Variants in DLG2 observed in about 807,000 individuals in gnomAD.
The protein encoded by DLG2 is discs large MAGUK scaffold protein 2.
DLG2 carries 45 observed loss-of-function variants against 132.5 expected under a neutral mutation model. The ratio of observed to expected loss-of-function variants is 0.34; its 90% CI spans 0.27 to 0.44. The LOEUF (loss-of-function observed/expected upper bound fraction) is 0.44. DLG2 is among the 20% of genes least tolerant of loss of function. The pLI is 1.00. For synonymous variants in DLG2, 424 were observed against 419.6 expected, an observed-to-expected ratio of 1.01 and a Z score of -0.13; for missense variants, 1,045 against 1,196.9, an observed-to-expected ratio of 0.87 and a Z score of 1.87.
At chr11:85,168,770 A>G (rs1427091931) in intron 4 of DLG2, among the ~76,000 whole-genome samples, 1 of 152,162 alleles carries the variant, frequency 6.6e-6, no homozygotes, top group African/African-American at 2.4e-5. Flanking sequence ...ATTTCCAGCT[A>G]TATAGTTGTT....
intron 7 of DLG2, among the ~76,000 whole-genome samples, chr11:84,529,522 G>A (rs1033965665): frequency 2.0e-5 from 3 of 152,028 alleles, no homozygotes; most frequent in Non-Finnish European, 4.4e-5. Context: ...GAGCAAAATC[G>A]AGAACTCAAT....
At position 83,668,870 on chromosome 11, in the gene DLG2, T is replaced by A. The variant is rs1188926000; in HGVS notation, c.1826-35545A>T. Among the ~76,000 whole-genome samples, 43 of 147,882 alleles carry A rather than the reference T, an allele frequency of 2.9e-4. 1 individual carries two copies. The highest frequency in any genetic ancestry group is 9.8e-4 in the African/African-American group (39 of 39,916). On this transcript the variant is annotated intron_variant, in intron 18 of 27. Coordinates refer to ENST00000376104, the MANE Select transcript of DLG2 (RefSeq NM_001142699.3). ...ACACACATATATATATATATATATT[T>A]TTTTTTTATGATAGACTATGAGCTT... is the stretch of plus-strand genomic sequence containing the variant.
At chr11:85,124,791 A>G (rs961067878) in intron 5 of DLG2, among the ~76,000 whole-genome samples, 3 of 152,152 alleles carry the variant, frequency 2.0e-5, no homozygotes, top group Non-Finnish European at 4.4e-5. Context: ...TTTGTACATC[A>G]TGAAAGATTT....
intron 3 of DLG2, among the ~76,000 whole-genome samples, chr11:85,427,784 T>G (rs1310950411): frequency 6.6e-6 from 1 of 152,126 alleles, no homozygotes; most frequent in Admixed American, 6.5e-5. Context: ...CACTATTAAC[T>G]TTAAATGTAA....
intron 17 of DLG2, chr11:83,815,382 T>A (rs1216162554): frequency 2.6e-5 from 4 of 152,588 alleles, no homozygotes; most frequent in African/African-American, 4.8e-5. Flanking sequence ...ATGGAGACCT[T>A]ACTGTGGTGA....
chr11:84,570,126 T>A (rs1032754946), intron 6 of DLG2, among the ~76,000 whole-genome samples: 3 of 152,202 alleles, frequency 2.0e-5, no homozygotes, highest in Non-Finnish European at 2.9e-5. Flanking sequence ...ATGGATTCTA[T>A]GATTTGGCAT....
At chr11:84,636,969 G>A (rs2099641617) in intron 6 of DLG2, among the ~76,000 whole-genome samples, 2 of 151,058 alleles carry the variant, frequency 1.3e-5, no homozygotes, top group Admixed American at 1.3e-4. Context: ...TTCCGTTTTA[G>A]TAGAGACGGG....
chr11:83,954,586 C>A (rs2086334027), intron 14 of DLG2, among the ~76,000 whole-genome samples: 1 of 152,034 alleles, frequency 6.6e-6, no homozygotes, highest in Non-Finnish European at 1.5e-5. Context: ...TGTTCATGAA[C>A]CTTTAATTTG....
chr11:84,128,659 AC>A (rs1396896359), intron 9 of DLG2, among the ~76,000 whole-genome samples: 1 of 151,848 alleles, frequency 6.6e-6, no homozygotes, highest in Admixed American at 6.6e-5. Context: ...GATTCCCCCA[AC>A]CCCCCTTAGT....
At chr11:85,151,083 T>C (rs2077219102) in intron 5 of DLG2, among the ~76,000 whole-genome samples, 1 of 152,212 alleles carries the variant, frequency 6.6e-6, no homozygotes. Flanking sequence ...AAATGATTTT[T>C]AATTGTGGTT....
In DLG2 at chr11:84,631,018, T is replaced by TCTCTCTCTCA. The variant is rs1217703556; in HGVS notation, c.358-96288_358-96287insTGAGAGAGAG. Among the ~76,000 whole-genome samples the TCTCTCTCTCA allele has an allele frequency of 3.9e-4, 37 of 94,284 alleles. 1 individual carries two copies. The highest frequency in any genetic ancestry group is 1.6e-3 in the Admixed American group (12 of 7,642). The allele number at this position is 94,284 out of a possible 152,430, so 61.9% of individuals were successfully genotyped here. A position where few individuals can be genotyped will look rare whatever the true frequency, so the allele number is the denominator to read the frequency against. On this transcript the variant is annotated intron_variant, in intron 6 of 27. Transcript: ENST00000376104. The stretch of plus-strand genomic sequence containing the variant: ...CTCTCTCTCTCTCTCTCTCTCTCTC[T>TCTCTCTCTCA]CACACACACACACACACACACACAC...
At chr11:84,009,699 A>T (rs2154062120) in intron 11 of DLG2, among the ~76,000 whole-genome samples, 1 of 152,176 alleles carries the variant, frequency 6.6e-6, no homozygotes, top group East Asian at 1.9e-4. Flanking sequence ...CTCTGGAGAA[A>T]ATAATATTGA....
At chr11:83,902,127 T>C (rs191592509) in intron 15 of DLG2, among the ~76,000 whole-genome samples, 52 of 152,334 alleles carry the variant, frequency 3.4e-4, no homozygotes, top group African/African-American at 1.2e-3. Context: ...CCATTTAGCC[T>C]TATGTCCCTC....
At chr11:84,954,565 G>C (rs772060560) in intron 6 of DLG2, among the ~76,000 whole-genome samples, 2 of 152,130 alleles carry the variant, frequency 1.3e-5, no homozygotes, top group Non-Finnish European at 2.9e-5. Context: ...ATTGAGCAGA[G>C]GTTATAAGCA....
intron 19 of DLG2, among the ~76,000 whole-genome samples, chr11:83,606,235 T>A (rs1321198680): frequency 1.3e-5 from 2 of 152,192 alleles, no homozygotes; most frequent in Non-Finnish European, 2.9e-5. Flanking sequence ...CTAGCATATA[T>A]GCTAATATAT....
chr11:83,509,375 A>G (rs913416459), intron 21 of DLG2, among the ~76,000 whole-genome samples: 1 of 152,194 alleles, frequency 6.6e-6, no homozygotes, highest in Non-Finnish European at 1.5e-5. Flanking sequence ...CAAGGTCACA[A>G]ATCTAGAAAA....
chr11:83,852,756 A>C (rs962507241), intron 16 of DLG2, among the ~76,000 whole-genome samples: 4 of 152,152 alleles, frequency 2.6e-5, no homozygotes, highest in Admixed American at 1.3e-4. Context: ...ATTCTAGGGG[A>C]GGCTTTACAT....
chr11:85,617,430 G>A (rs944180531), intron 2 of DLG2, among the ~76,000 whole-genome samples: 1 of 152,150 alleles, frequency 6.6e-6, no homozygotes, highest in Non-Finnish European at 1.5e-5. Flanking sequence ...TCTTGACAAA[G>A]AGCGTTAACC....
chr11:84,718,151 TTATAA>T (rs2061428634), intron 6 of DLG2, among the ~76,000 whole-genome samples: 1 of 152,122 alleles, frequency 6.6e-6, no homozygotes, highest in Non-Finnish European at 1.5e-5. Context: ...TTAAGTATGG[TTATAA>T]TATAATAATT....
Sources: allele counts gnomAD v4.1 joint callset (sites outside exome capture counted in the v4.1 genomes callset), GRCh38; gene constraint gnomAD v4.1.1; transcripts MANE v1.5; gene names NCBI Gene and HGNC (gene_info 2026-07-23, HGNC 2026-07-21).